Variants in ZNF782 observed in about 807,000 individuals in gnomAD.
The protein encoded by ZNF782 is zinc finger protein 782.
A neutral mutation model predicts 13.0 loss-of-function variants in ZNF782; 12 were observed. The ratio of observed to expected loss-of-function variants is 0.92; its 90% CI spans 0.59 to 1.50. The LOEUF (loss-of-function observed/expected upper bound fraction) is 1.50, where lower values mean the gene tolerates loss of function less well. Among genes scored for constraint, ZNF782 ranks in the 40% most tolerant of loss-of-function variants. ZNF782 has a pLI of 0.00. For synonymous variants in ZNF782, 284 were observed against 283.0 expected (o/e 1.00, Z -0.04); for missense variants, 770 against 822.9 (o/e 0.94, Z 0.79).
intron 3 of ZNF782, among the ~76,000 whole-genome samples, chr9:96,846,390 G>C (rs1851340736): frequency 6.6e-6 from 1 of 152,032 alleles, no homozygotes; most frequent in African/African-American, 2.4e-5. Flanking sequence ...AAAAGATACA[G>C]AATGGCAAAA....
intron 4 of ZNF782, among the ~76,000 whole-genome samples, chr9:96,844,341 C>T (rs1409648738): frequency 1.3e-5 from 2 of 152,116 alleles, no homozygotes; most frequent in African/African-American, 4.8e-5. Flanking sequence ...GAAAAAATTC[C>T]GTATGTTGAC....
upstream of ZNF782, among the ~76,000 whole-genome samples, chr9:96,856,708 T>C (rs1168256905): frequency 3.3e-5 from 5 of 149,648 alleles, no homozygotes; most frequent in Admixed American, 6.6e-5. Context: ...AGATGATTGA[T>C]AGATGTAAAG....
chr9:96,909,868 G>C, the ZNF782 span, among the ~76,000 whole-genome samples: 1 of 151,558 alleles, frequency 6.6e-6, no homozygotes, highest in Non-Finnish European at 1.5e-5. Context: ...ATGTCTTAGA[G>C]GGAGAAAACA....
chr9:96,910,281 G>A, the ZNF782 span: 1 of 572,150 alleles, frequency 1.7e-6, no homozygotes, highest in African/African-American at 2.0e-5. Flanking sequence ...GAAAAAGAAG[G>A]TGATGGTGAG....
chr9:96,931,487 G>C, the ZNF782 span, among the ~76,000 whole-genome samples: 13 of 151,682 alleles, frequency 8.6e-5, no homozygotes, highest in African/African-American at 4.8e-5. Flanking sequence ...GCAAAGGCTT[G>C]GCTGTTTCTT....
the ZNF782 span, chr9:96,887,281 AAAAG>A: frequency 9.0e-5 from 11 of 122,488 alleles, no homozygotes; most frequent in South Asian, 2.9e-4. Context: ...TCCATTGCAA[AAAAG>A]AAAGGAAGGA....
chr9:96,906,738 C>A, the ZNF782 span, among the ~76,000 whole-genome samples: 1 of 151,718 alleles, frequency 6.6e-6, no homozygotes, highest in Admixed American at 6.6e-5. Flanking sequence ...TTTATAGAAG[C>A]TTTGTTAGGT....
Position 96,818,524 on chromosome 9 carries a change from T to A in ZNF782, c.1499A>T (p.His500Leu). 1 of 1,613,900 alleles carries A rather than the reference T, an allele frequency of 6.2e-7. No individual in the cohort carries two copies. The highest frequency in any genetic ancestry group is 1.1e-5 in the South Asian group (1 of 91,024). The change falls in exon 6 of 6, where the codon CAC becomes CTC. Residue 500 changes from histidine to leucine, a missense_variant. Coordinates refer to ENST00000481138, the MANE Select transcript of ZNF782 (RefSeq NM_001001662.3). ...MSGLRNHRRTHTGERPYKCDE... is the reference protein window; with the variant it reads ...MSGLRNHRRTLTGERPYKCDE... ...ACATTTATATGGTCTTTCCCCTGTG[T>A]GAGTTCTTCGGTGATTCCTTAGGCC...
chr9:96,905,648 C>T, the ZNF782 span, among the ~76,000 whole-genome samples: 6 of 151,802 alleles, frequency 4.0e-5, no homozygotes, highest in South Asian at 4.2e-4. Flanking sequence ...TACAGTGGCG[C>T]GATCTTGGCT....
At chr9:96,833,481 T>G (rs915745749) in intron 4 of ZNF782, among the ~76,000 whole-genome samples, 7 of 152,198 alleles carry the variant, frequency 4.6e-5, no homozygotes, top group Non-Finnish European at 8.8e-5. Context: ...GTTTATCTGA[T>G]GTTTTCCTCA....
chr9:96,901,243 A>C, the ZNF782 span, among the ~76,000 whole-genome samples: 1 of 151,152 alleles, frequency 6.6e-6, no homozygotes, highest in Non-Finnish European at 1.5e-5. Context: ...TGATGAAAAC[A>C]TCTACTGTCC....
At position 96,816,751 on chromosome 9, in the gene ZNF782, CTG is replaced by C. The variant is rs1032894711; in HGVS notation, c.*1170_*1171del. 2 of 151,828 alleles carry C rather than the reference CTG, an allele frequency of 1.3e-5. No individual in the cohort carries two copies. 9.4% of individuals were successfully genotyped at this position (151,828 alleles called of 1,614,324 possible). A position where few individuals can be genotyped will look rare whatever the true frequency, so the allele number is the denominator to read the frequency against. On this transcript the variant is annotated 3_prime_UTR_variant, in exon 6 of 6. Coordinates refer to ENST00000481138, the MANE Select transcript of ZNF782 (RefSeq NM_001001662.3). ...TGGGTGTGTATGTGTGAGTGTGTGT[CTG>C]TGTGTGTGAAGAATTTCCTATATTT...
intron 4 of ZNF782, among the ~76,000 whole-genome samples, chr9:96,836,606 T>C (rs1222768058): frequency 6.6e-6 from 1 of 152,118 alleles, no homozygotes; most frequent in Non-Finnish European, 1.5e-5. Flanking sequence ...AATATTATAT[T>C]TTGTATATGA....
chr9:96,880,882 T>C, the ZNF782 span, among the ~76,000 whole-genome samples: 1 of 152,194 alleles, frequency 6.6e-6, no homozygotes, highest in African/African-American at 2.4e-5. Flanking sequence ...AAAAGTTTGG[T>C]ATAATTACCC....
chr9:96,911,970 C>A, the ZNF782 span, among the ~76,000 whole-genome samples: 1 of 151,744 alleles, frequency 6.6e-6, no homozygotes, highest in Non-Finnish European at 1.5e-5. Context: ...GAGGCCGAGG[C>A]GGGCAGATCA....
intron 4 of ZNF782, among the ~76,000 whole-genome samples, chr9:96,837,669 C>T (rs1851043840): frequency 6.6e-6 from 1 of 152,156 alleles, no homozygotes. Context: ...TATAGCTATA[C>T]ATTTCCATCT....
At chr9:96,827,585 G>A (rs946636445) in intron 4 of ZNF782, among the ~76,000 whole-genome samples, 4 of 152,138 alleles carry the variant, frequency 2.6e-5, no homozygotes, top group African/African-American at 9.7e-5. Context: ...GGTGGCATAA[G>A]CCACTGTACC....
At chr9:96,872,923 G>C (rs1314761774) in intron 1 of ZNF782, among the ~76,000 whole-genome samples, 1 of 152,158 alleles carries the variant, frequency 6.6e-6, no homozygotes, top group Non-Finnish European at 1.5e-5. Context: ...GAACAAGGGT[G>C]TTTGAGGTTT....
chr9:96,931,883 C>T, the ZNF782 span: 26 of 1,612,380 alleles, frequency 1.6e-5, no homozygotes, highest in Non-Finnish European at 2.0e-5. Context: ...CTCTGCCTTC[C>T]CCAGCACCCC....
Sources: gnomAD v4.1 joint callset for allele counts (sites outside exome capture counted in the v4.1 genomes callset) on GRCh38, gnomAD v4.1.1 for gene constraint, MANE v1.5 for transcripts, NCBI Gene and HGNC (gene_info 2026-07-23, HGNC 2026-07-21) for gene names.